The following CSMD3 variants were observed in gnomAD, a reference collection of about 807,000 sequenced individuals.
The protein encoded by CSMD3 is CUB and Sushi multiple domains 3.
CSMD3 carries 177 observed loss-of-function variants against 435.2 expected under a neutral mutation model. That is an observed-to-expected ratio of 0.41 (90% CI 0.36 to 0.46). CSMD3 has a LOEUF of 0.46. Ranked by LOEUF, CSMD3 falls within the 20% of genes least tolerant of loss-of-function variation. The probability of loss-of-function intolerance (pLI) is 0.34; values close to 1 mark genes in which losing one functional copy is unlikely to be tolerated. For missense variants in CSMD3, 4,265 were observed against 4,504.6 expected (o/e 0.95, Z 1.52); for synonymous variants, 1,656 against 1,520.5 (o/e 1.09, Z -2.07).
rs2074950685 is a variant in CSMD3, at chr8:112,645,321, A to G, written c.3194-96T>C. The stretch of plus-strand genomic sequence containing the variant: ...CTCTCTTGAATTGAGCAGTCGCATT[A>G]TCTTTGCTTATGCTACCTCCTAGTA... On this transcript the variant is annotated intron_variant, in intron 19 of 70. Transcript: ENST00000297405. 3.5e-5 allele frequency: 27 copies of G among 770,706 alleles called. No homozygotes were observed. The South Asian group carries it at 3.6e-4, about 10-fold the overall frequency. 47.7% of individuals were successfully genotyped at this position (770,706 alleles called of 1,614,324 possible). A position where few individuals can be genotyped will look rare whatever the true frequency, so the allele number is the denominator to read the frequency against.
rs747261484 is a variant in CSMD3, at chr8:112,829,698, G to A, written c.1847C>T (p.Thr616Ile). The change falls in exon 12 of 71, where the codon ACA becomes ATA. Residue 616 changes from threonine to isoleucine, a missense_variant. By Grantham distance (89) the Thr-to-Ile change is moderately conservative (BLOSUM62 -1). Around this residue, in one of 3 missense-constraint regions of CSMD3, gnomAD observed 731 missense variants for 755.4 expected, o/e 0.97. Transcript: ENST00000297405. ...GDGGEVGDPR[T>I]VLQVLTGSFV... ...ATTGGGAACTTACACTTGGAGCACT[G>A]TCCTAGGATCTCCAACTTCGCCCCC... 1 of 1,602,606 alleles carries A rather than the reference G, an allele frequency of 6.2e-7. No homozygotes were observed. Among genetic ancestry groups the A allele is most frequent in the Non-Finnish European group, 8.5e-7 (1 of 1,169,604 alleles).
intron 5 of CSMD3, among the ~76,000 whole-genome samples, chr8:113,092,213 A>G (rs946397087): frequency 6.6e-6 from 1 of 151,898 alleles, no homozygotes; most frequent in African/African-American, 2.4e-5. Flanking sequence ...TAGTTATTGT[A>G]TTTTTTTCCT....
At chr8:113,210,581 GA>G (rs11338541) in intron 3 of CSMD3, among the ~76,000 whole-genome samples, 1,925 of 151,928 alleles carry the variant, frequency 0.013, 47 homozygotes, top group African/African-American at 0.044. Flanking sequence ...GGAGAAAATT[GA>G]ATCTTAGAAA....
chr8:112,545,509 A>AAT lies in CSMD3; in HGVS notation c.4564+5161_4564+5162insAT, dbSNP rs1355880773. On this transcript the variant is annotated intron_variant, in intron 27 of 70. Coordinates refer to ENST00000297405, the MANE Select transcript of CSMD3 (RefSeq NM_198123.2). ...AAAAAAAAAAAAAAAAAAAATAATA[A>AAT]TAATAATAATAATAATAAATGCTCT... Among the ~76,000 whole-genome samples, 26 of 141,146 alleles carry AAT rather than the reference A, an allele frequency of 1.8e-4. No individual in the cohort carries two copies. The East Asian group carries it at 4.2e-3, about 23-fold the overall frequency. 92.6% of individuals were successfully genotyped at this position (141,146 alleles called of 152,430 possible).
chr8:112,569,266 T>C (rs560810771), intron 24 of CSMD3, among the ~76,000 whole-genome samples: 4 of 152,234 alleles, frequency 2.6e-5, no homozygotes, highest in Non-Finnish European at 5.9e-5. Context: ...CCTCTAGGCA[T>C]GCCACAGCAG....
intron 27 of CSMD3, among the ~76,000 whole-genome samples, chr8:112,525,851 T>A (rs1176462870): frequency 1.4e-5 from 2 of 143,098 alleles, no homozygotes; most frequent in African/African-American, 5.1e-5. Context: ...ATACAGGGTC[T>A]TTATATATAT....
At chr8:112,414,569 C>A (rs1021115834) in intron 32 of CSMD3, among the ~76,000 whole-genome samples, 1 of 152,118 alleles carries the variant, frequency 6.6e-6, no homozygotes, top group African/African-American at 2.4e-5. Flanking sequence ...CAGGCTAATA[C>A]AGTAAATTGG....
chr8:112,829,071 A>G (rs2079785953), intron 12 of CSMD3, among the ~76,000 whole-genome samples: 1 of 152,122 alleles, frequency 6.6e-6, no homozygotes, highest in Non-Finnish European at 1.5e-5. Flanking sequence ...AAAAAAAAAT[A>G]GCTTACCTTT....
At chr8:112,805,822 T>G (rs963655410) in intron 12 of CSMD3, among the ~76,000 whole-genome samples, 1 of 152,190 alleles carries the variant, frequency 6.6e-6, no homozygotes, top group Non-Finnish European at 1.5e-5. Flanking sequence ...CTGACTCTCC[T>G]TCCATTTCTC....
chr8:112,936,089 T>G (rs1031170679), intron 9 of CSMD3, among the ~76,000 whole-genome samples: 1 of 152,090 alleles, frequency 6.6e-6, no homozygotes, highest in East Asian at 1.9e-4. Context: ...AAAAAAATGC[T>G]AATATAGTCT....
At chr8:112,316,932 A>T (rs1281854798) in intron 47 of CSMD3, among the ~76,000 whole-genome samples, 3 of 152,052 alleles carry the variant, frequency 2.0e-5, no homozygotes, top group East Asian at 1.9e-4. Context: ...AAGTCAAAAA[A>T]TTTTTTAAAT....
intron 22 of CSMD3, among the ~76,000 whole-genome samples, chr8:112,609,987 G>A (rs915054289): frequency 8.5e-5 from 13 of 152,078 alleles, no homozygotes; most frequent in Admixed American, 2.0e-4. Context: ...CACAGAAACA[G>A]AGTAGAAAGT....
At chr8:112,871,458 G>A (rs1253912174) in intron 10 of CSMD3, among the ~76,000 whole-genome samples, 1 of 151,956 alleles carries the variant, frequency 6.6e-6, no homozygotes, top group African/African-American at 2.4e-5. Context: ...TGTAAAAAAC[G>A]GTTAAAACTT....
chr8:113,424,696 A>G (rs535984667), intron 1 of CSMD3, among the ~76,000 whole-genome samples: 1 of 151,694 alleles, frequency 6.6e-6, no homozygotes, highest in Non-Finnish European at 1.5e-5. Context: ...TGGATAAACT[A>G]GTTAATATCA....
chr8:113,407,957 GA>G (rs931511379), intron 1 of CSMD3, among the ~76,000 whole-genome samples: 31 of 151,832 alleles, frequency 2.0e-4, no homozygotes, highest in African/African-American at 3.1e-4. Context: ...TAAAGTTATA[GA>G]AAAAAAATCT....
At chr8:112,286,332 T>C (rs562012020) in intron 58 of CSMD3, among the ~76,000 whole-genome samples, 3 of 152,204 alleles carry the variant, frequency 2.0e-5, no homozygotes, top group African/African-American at 7.2e-5. Context: ...AAAAATAATA[T>C]ATGGAAAATT....
intron 10 of CSMD3, among the ~76,000 whole-genome samples, chr8:112,881,991 T>G (rs2081461864): frequency 6.6e-6 from 1 of 151,944 alleles, no homozygotes; most frequent in Non-Finnish European, 1.5e-5. Flanking sequence ...GATCCCTAAT[T>G]GAGTTTATTT....
chr8:112,346,329 T>C (rs1825665184), intron 40 of CSMD3, 116 bp from the exon 41 acceptor site: 2 of 731,752 alleles, frequency 2.7e-6, no homozygotes, highest in East Asian at 2.7e-5. Flanking sequence ...TGATATAAAT[T>C]TGAATATTGT....
At chr8:113,120,501 C>T (rs989176597) in intron 4 of CSMD3, among the ~76,000 whole-genome samples, 3 of 151,972 alleles carry the variant, frequency 2.0e-5, no homozygotes, top group Admixed American at 2.0e-4. Context: ...ATTCTAATAT[C>T]TTTAATAAAT....
Sources: gnomAD v4.1 joint callset for allele counts (sites outside exome capture counted in the v4.1 genomes callset) on GRCh38, gnomAD v4.1.1 for gene constraint, gnomAD v4.1.1 regional missense constraint, MANE v1.5 for transcripts, NCBI Gene and HGNC (gene_info 2026-07-23, HGNC 2026-07-21) for gene names.